SLC35F4: variants seen among roughly 807,000 people sequenced by gnomAD.
SLC35F4 encodes the protein chromosome 14 open reading frame 36.
In SLC35F4, 24 loss-of-function variants were observed where a neutral mutation model predicts 44.2. The observed-to-expected ratio is 0.54, with a 90% CI of 0.39 to 0.76. SLC35F4 has a LOEUF of 0.76. SLC35F4 is among the 30% of genes least tolerant of loss of function. SLC35F4 has a pLI of 0.00. For synonymous variants in SLC35F4, 238 were observed against 223.6 expected, an observed-to-expected ratio of 1.06 and a Z score of -0.57; for missense variants, 562 against 586.1, an observed-to-expected ratio of 0.96 and a Z score of 0.42.
chr14:57,671,662 T>A (rs2074527655), intron 1 of SLC35F4, among the ~76,000 whole-genome samples: 1 of 151,208 alleles, frequency 6.6e-6, no homozygotes, highest in Admixed American at 6.6e-5. Context: ...TAACCAGCGG[T>A]GGTGGCTATG....
chr14:57,891,083 T>A (rs1566922796), intron 1 of SLC35F4, among the ~76,000 whole-genome samples: 3 of 152,172 alleles, frequency 2.0e-5, no homozygotes. Flanking sequence ...ACCAAATCAC[T>A]GATTTCTACT....
chr14:57,804,572 G>A (rs1881071901), intron 1 of SLC35F4, among the ~76,000 whole-genome samples: 1 of 152,174 alleles, frequency 6.6e-6, no homozygotes, highest in Non-Finnish European at 1.5e-5. Context: ...GCCATATGCA[G>A]AAAATTGAAA....
rs193246742 is a variant in SLC35F4, at chr14:57,822,548, T to C, written c.103+43175A>G. 1.3e-3 allele frequency among the ~76,000 whole-genome samples: 199 copies of C among 152,256 alleles called. 2 individuals are homozygous for C. The highest frequency in any genetic ancestry group is 4.6e-3 in the African/African-American group (193 of 41,546). On this transcript the variant is annotated intron_variant, in intron 1 of 7. Coordinates refer to ENST00000556826, the MANE Select transcript of SLC35F4 (RefSeq NM_001306087.2). ...CTTAAGTTTTATTTTCTCCTTTTTT[T>C]TCATGGCCTCTTATTGCTTAAAAAA...
At chr14:57,743,374 A>G (rs2076668643) in intron 1 of SLC35F4, among the ~76,000 whole-genome samples, 1 of 152,206 alleles carries the variant, frequency 6.6e-6, no homozygotes, top group South Asian at 2.1e-4. Context: ...TAGACGCAAC[A>G]AAAAATGATA....
At position 57,594,411 on chromosome 14, in the gene SLC35F4, T is replaced by C. The variant is rs2139930180; in HGVS notation, c.104-287A>G. The stretch of plus-strand genomic sequence containing the variant: ...ACAGTGTTGGCCAGGCTGGCTGAAG[T>C]AGATTTTAAAGGCCTGAACAGTAAA... On this transcript the variant is annotated intron_variant, in intron 1 of 7. Coordinates refer to ENST00000556826, the MANE Select transcript of SLC35F4 (RefSeq NM_001306087.2). Among the ~76,000 whole-genome samples the C allele has an allele frequency of 1.3e-5, 2 of 152,184 alleles. 1 individual carries two copies. Among genetic ancestry groups the C allele is most frequent in the South Asian group, 4.2e-4 (2 of 4,816 alleles).
At chr14:57,905,657 G>A (rs1347468117) in intron 1 of SLC35F4, among the ~76,000 whole-genome samples, 1 of 152,164 alleles carries the variant, frequency 6.6e-6, no homozygotes, top group African/African-American at 2.4e-5. Flanking sequence ...TCTGAAAGCA[G>A]GTGTGCTCAG....
At chr14:57,869,996 C>T (rs1320583474), upstream of SLC35F4, among the ~76,000 whole-genome samples, 1 of 152,144 alleles carries the variant, frequency 6.6e-6, no homozygotes, top group Non-Finnish European at 1.5e-5. Flanking sequence ...CTTCATTGGC[C>T]TCAGGTGCCA....
In SLC35F4 at chr14:57,586,717, C is replaced by CAAAAAAAAAAAA. The variant is rs543963927; in HGVS notation, c.587+2487_587+2498dup. Among the ~76,000 whole-genome samples, 56 of 12,498 alleles carry CAAAAAAAAAAAA rather than the reference C, an allele frequency of 4.5e-3. 8 individuals carry two copies. In the East Asian group the frequency reaches 0.056, roughly 12 times the overall value. 8.2% of individuals were successfully genotyped at this position (12,498 alleles called of 152,430 possible). The stretch of plus-strand genomic sequence containing the variant: ...TGGGTGACAGAGCGAGACTCTGTCT[C>CAAAAAAAAAAAA]AAAAAAAAAAAAAAAAAAAAAAAAA... On this transcript the variant is annotated intron_variant, in intron 3 of 7. Transcript: ENST00000556826.
intron 1 of SLC35F4, among the ~76,000 whole-genome samples, chr14:57,687,791 T>C (rs2075110286): frequency 6.6e-6 from 1 of 152,164 alleles, no homozygotes; most frequent in Non-Finnish European, 1.5e-5. Context: ...GATTCCTTTA[T>C]TTGCAAAAAG....
chr14:57,902,764 G>C (rs868661060), intron 1 of SLC35F4, among the ~76,000 whole-genome samples: 2 of 152,282 alleles, frequency 1.3e-5, no homozygotes, highest in Middle Eastern at 3.4e-3. Context: ...AATCAGCATA[G>C]ACTGCTGTAA....
intron 1 of SLC35F4, among the ~76,000 whole-genome samples, chr14:57,667,667 T>A (rs2074363153): frequency 6.6e-6 from 1 of 151,858 alleles, no homozygotes; most frequent in African/African-American, 2.4e-5. Flanking sequence ...CATGAACTCA[T>A]CCTTGTTTAT....
intron 1 of SLC35F4, among the ~76,000 whole-genome samples, chr14:57,879,796 G>T (rs1161116217): frequency 6.6e-6 from 1 of 152,058 alleles, no homozygotes; most frequent in African/African-American, 2.4e-5. Flanking sequence ...TTATTCACAG[G>T]TCTATCTTCC....
chr14:57,809,562 T>C (rs533551423), intron 1 of SLC35F4, among the ~76,000 whole-genome samples: 2 of 152,376 alleles, frequency 1.3e-5, no homozygotes, highest in Middle Eastern at 3.4e-3. Context: ...TGGACCATAG[T>C]GTGAAGTGAG....
At chr14:57,593,776 C>CTA (rs2070331924) in intron 2 of SLC35F4, among the ~76,000 whole-genome samples, 163 bp downstream of exon 2, 1 of 152,188 alleles carries the variant, frequency 6.6e-6, no homozygotes, top group Non-Finnish European at 1.5e-5. Context: ...TAGATTGTAT[C>CTA]TATATATTTC....
At chr14:57,668,368 C>A (rs1274868516) in intron 1 of SLC35F4, among the ~76,000 whole-genome samples, 2 of 151,826 alleles carry the variant, frequency 1.3e-5, no homozygotes, top group African/African-American at 4.9e-5. Context: ...TCTTTTGTTG[C>A]CATTGCTTTT....
intron 1 of SLC35F4, among the ~76,000 whole-genome samples, chr14:57,834,706 G>A (rs1305957958): frequency 6.6e-6 from 1 of 152,168 alleles, no homozygotes; most frequent in African/African-American, 2.4e-5. Flanking sequence ...CAGCATGTCA[G>A]TATAAAAATT....
At chr14:57,629,910 G>T in intron 1 of SLC35F4, 1 of 459,378 alleles carries the variant, frequency 2.2e-6, no homozygotes, top group South Asian at 1.7e-5. Context: ...ACCATGTCCT[G>T]CTACCAGTAT....
At chr14:57,669,726 G>A (rs1452664480) in intron 1 of SLC35F4, among the ~76,000 whole-genome samples, 13 of 151,962 alleles carry the variant, frequency 8.6e-5, no homozygotes, top group African/African-American at 1.2e-4. Flanking sequence ...TGCTGGATTC[G>A]GTTTGTCAGT....
chr14:57,749,979 G>C (rs2076844468), intron 1 of SLC35F4, among the ~76,000 whole-genome samples: 1 of 151,950 alleles, frequency 6.6e-6, no homozygotes, highest in Non-Finnish European at 1.5e-5. Context: ...GGATTTTAGG[G>C]TATCTATCAC....
Sources: allele counts gnomAD v4.1 joint callset (sites outside exome capture counted in the v4.1 genomes callset), GRCh38; gene constraint gnomAD v4.1.1; transcripts MANE v1.5; gene names NCBI Gene and HGNC (gene_info 2026-07-23, HGNC 2026-07-21).